Variants in TMEM132C observed in about 807,000 individuals in gnomAD.
The protein encoded by TMEM132C is protein phosphatase 1, regulatory subunit 152.
In TMEM132C, 29 loss-of-function variants were observed where a neutral mutation model predicts 61.4. The observed-to-expected ratio is 0.47, with a 90% CI of 0.35 to 0.64. The LOEUF (loss-of-function observed/expected upper bound fraction) is 0.64. Among genes scored for constraint, TMEM132C ranks in the 30% least tolerant of loss-of-function variants. TMEM132C has a pLI of 0.00. For missense variants in TMEM132C, 1,408 were observed against 1,476.9 expected (o/e 0.95, Z 0.76); for synonymous variants, 656 against 633.1 (o/e 1.04, Z -0.54).
intron 5 of TMEM132C, among the ~76,000 whole-genome samples, chr12:128,674,319 C>A (rs1954562981): frequency 6.6e-6 from 1 of 152,230 alleles, no homozygotes; most frequent in Admixed American, 6.5e-5. Flanking sequence ...TAGTATTCCA[C>A]TGTATGGATA....
chr12:128,379,791 T>G (rs185924211), intron 1 of TMEM132C, among the ~76,000 whole-genome samples: 1,577 of 152,324 alleles, frequency 0.01, 9 homozygotes, highest in Non-Finnish European at 0.019. Context: ...GTTCTGGGGC[T>G]TGGGCATGGA....
chr12:128,554,644 G>C (rs987135520), intron 3 of TMEM132C, among the ~76,000 whole-genome samples: 5 of 152,198 alleles, frequency 3.3e-5, no homozygotes, highest in African/African-American at 1.2e-4. Context: ...CAGCAAAACA[G>C]CTGTCTGGGA....
At chr12:128,673,859 T>G (rs1954558609) in intron 5 of TMEM132C, among the ~76,000 whole-genome samples, 2 of 152,222 alleles carry the variant, frequency 1.3e-5, no homozygotes, top group South Asian at 4.1e-4. Flanking sequence ...CATGACCTAG[T>G]AGCCAGCATA....
chr12:128,697,512 TA>T, intron 8 of TMEM132C, 97 bp downstream of exon 8: 1 of 1,270,612 alleles, frequency 7.9e-7, no homozygotes, highest in Non-Finnish European at 1.1e-6. Flanking sequence ...GGGGGCAGGT[TA>T]GCAGAACCAT....
In TMEM132C at chr12:128,705,127, G is replaced by A; in HGVS notation, c.2159G>A (p.Gly720Asp). The change falls in exon 9 of 9, where the codon GGC becomes GAC. Residue 720 changes from glycine to aspartate, a missense_variant. Gly to Asp is a moderately conservative substitution (Grantham distance 94). Coordinates refer to ENST00000435159, the MANE Select transcript of TMEM132C (RefSeq NM_001136103.3). ...AGCACGTGGCTGCAGTTCAGTGATG[G>A]CTCTGTGACGCCCCTGGACATCTAC... ...VFSTWLQFSD[G>D]SVTPLDIYDT... 1 of 1,549,664 alleles carries A rather than the reference G, an allele frequency of 6.5e-7. No homozygotes were observed. Among genetic ancestry groups the A allele is most frequent in the Non-Finnish European group, 8.7e-7 (1 of 1,145,686 alleles).
intron 3 of TMEM132C, among the ~76,000 whole-genome samples, chr12:128,550,082 G>C (rs912458655): frequency 6.6e-6 from 1 of 152,218 alleles, no homozygotes; most frequent in Non-Finnish European, 1.5e-5. Flanking sequence ...GTGTTAGCCA[G>C]CTAGGGCTGC....
chr12:128,391,301 G>A (rs930363617), intron 1 of TMEM132C, among the ~76,000 whole-genome samples: 6 of 152,158 alleles, frequency 3.9e-5, no homozygotes, highest in African/African-American at 9.7e-5. Flanking sequence ...TCATTTTTCC[G>A]ACAACTTACT....
intron 4 of TMEM132C, among the ~76,000 whole-genome samples, chr12:128,622,859 A>G (rs1178719709): frequency 6.6e-6 from 1 of 152,180 alleles, no homozygotes; most frequent in African/African-American, 2.4e-5. Flanking sequence ...TCCTATTCCA[A>G]CTTCAAAATG....
intron 4 of TMEM132C, among the ~76,000 whole-genome samples, chr12:128,618,353 CTG>C (rs10571922): frequency 0.3 from 45,941 of 152,012 alleles, 7,135 homozygotes; most frequent in East Asian, 0.35. Flanking sequence ...TTACTAATGT[CTG>C]TACTCTTGTC....
intron 1 of TMEM132C, among the ~76,000 whole-genome samples, chr12:128,347,715 A>G (rs1873212890): frequency 6.6e-6 from 1 of 152,236 alleles, no homozygotes; most frequent in Admixed American, 6.5e-5. Flanking sequence ...GGCGTGAGCC[A>G]CCACGCCCAG....
chr12:128,653,743 A>G (rs1954296442), intron 4 of TMEM132C, among the ~76,000 whole-genome samples: 1 of 152,228 alleles, frequency 6.6e-6, no homozygotes, highest in Admixed American at 6.5e-5. Context: ...AGCACCTGGT[A>G]CTTGAAAAGA....
At chr12:128,669,299 G>A (rs1256318832) in intron 4 of TMEM132C, 118 bp from the exon 5 acceptor site, 1 of 1,224,054 alleles carries the variant, frequency 8.2e-7, no homozygotes, top group East Asian at 2.6e-5. Flanking sequence ...GGTACAGTGT[G>A]TCTTGTACAA....
intron 1 of TMEM132C, among the ~76,000 whole-genome samples, chr12:128,391,886 G>A (rs1236055949): frequency 2.0e-5 from 3 of 152,144 alleles, no homozygotes. Context: ...ACTAAGAATA[G>A]TCTTTATATT....
intron 1 of TMEM132C, among the ~76,000 whole-genome samples, chr12:128,295,982 A>G (rs1488882002): frequency 1.3e-5 from 2 of 152,324 alleles, no homozygotes; most frequent in East Asian, 3.9e-4. Flanking sequence ...TGCATCTTGC[A>G]AGAATGAGTG....
chr12:128,635,791 A>G (rs1257095662), intron 4 of TMEM132C, among the ~76,000 whole-genome samples: 1 of 152,182 alleles, frequency 6.6e-6, no homozygotes, highest in African/African-American at 2.4e-5. Context: ...GGTGGATGTC[A>G]CTCACAGTGT....
At chr12:128,557,051 C>G (rs1304655786) in intron 3 of TMEM132C, among the ~76,000 whole-genome samples, 3 of 152,228 alleles carry the variant, frequency 2.0e-5, no homozygotes, top group African/African-American at 7.2e-5. Flanking sequence ...CCAACAGCTA[C>G]TAAAGATCAG....
intron 4 of TMEM132C, among the ~76,000 whole-genome samples, chr12:128,631,116 A>T (rs895271432): frequency 6.6e-6 from 1 of 152,236 alleles, no homozygotes; most frequent in Non-Finnish European, 1.5e-5. Context: ...GGAAGGAAAG[A>T]TTCACATTTA....
chr12:128,664,852 T>C (rs1954440392), intron 4 of TMEM132C, among the ~76,000 whole-genome samples: 1 of 152,206 alleles, frequency 6.6e-6, no homozygotes, highest in Non-Finnish European at 1.5e-5. Flanking sequence ...TACACATAAA[T>C]AGTGTGCTAG....
intron 8 of TMEM132C, among the ~76,000 whole-genome samples, chr12:128,699,862 T>A (rs1954791879): frequency 6.6e-6 from 1 of 152,172 alleles, no homozygotes; most frequent in African/African-American, 2.4e-5. Context: ...AGGAGGGACC[T>A]GGGGTGCATG....
Sources: gnomAD v4.1 joint callset for allele counts (sites outside exome capture counted in the v4.1 genomes callset) on GRCh38, gnomAD v4.1.1 for gene constraint, MANE v1.5 for transcripts, NCBI Gene and HGNC (gene_info 2026-07-23, HGNC 2026-07-21) for gene names.